RAD9B: variants seen among roughly 807,000 people sequenced by gnomAD.
RAD9B encodes RAD9 checkpoint clamp component B.
Under a neutral mutation model 48.3 loss-of-function variants are expected in RAD9B, and 41 were observed. The ratio of observed to expected loss-of-function variants is 0.85; its 90% CI spans 0.66 to 1.10. The LOEUF (loss-of-function observed/expected upper bound fraction) is 1.10. Ranked by LOEUF, RAD9B falls within the 50% of genes least tolerant of loss-of-function variation. The pLI is 0.00. For missense variants in RAD9B, 444 were observed against 485.1 expected, an observed-to-expected ratio of 0.92 and a Z score of 0.80; for synonymous variants, 160 against 157.9, an observed-to-expected ratio of 1.01 and a Z score of -0.10.
intron 9 of RAD9B, among the ~76,000 whole-genome samples, chr12:110,521,803 C>A (rs1032709789): frequency 1.3e-5 from 2 of 151,920 alleles, no homozygotes; most frequent in Admixed American, 6.6e-5. Flanking sequence ...TGATCCACCC[C>A]CCTTGACCTC....
At chr12:110,529,112 C>T (rs1454103713) in intron 10 of RAD9B, among the ~76,000 whole-genome samples, 1 of 151,768 alleles carries the variant, frequency 6.6e-6, no homozygotes, top group Non-Finnish European at 1.5e-5. Flanking sequence ...AGAGATAAAG[C>T]AGTAACTGAA....
chr12:110,518,825 G>GT (rs2063687653), intron 7 of RAD9B, 43 bp downstream of exon 7: 2 of 1,573,022 alleles, frequency 1.3e-6, no homozygotes, highest in Non-Finnish European at 8.6e-7. Context: ...AATTTTCACT[G>GT]TAAGTTTTTA....
At chr12:110,506,843 C>A in intron 4 of RAD9B, 150 bp downstream of exon 4, 2 of 374,348 alleles carry the variant, frequency 5.3e-6, no homozygotes, top group Non-Finnish European at 9.7e-6. Flanking sequence ...AAGTATTATC[C>A]TTTTTTTTTT....
At chr12:110,505,799 C>CT in intron 3 of RAD9B, 27 bp downstream of exon 3, 1 of 1,590,490 alleles carries the variant, frequency 6.3e-7, no homozygotes, top group South Asian at 1.1e-5. Flanking sequence ...CTGGTTTTCT[C>CT]TTATTCTGTA....
At position 110,532,719 on chromosome 12, in the gene RAD9B, T is replaced by C. The variant is rs925413910; in HGVS notation, c.*2066T>C. 4.6e-5 allele frequency among the ~76,000 whole-genome samples: 7 copies of C among 152,244 alleles called. No homozygotes were observed. Among genetic ancestry groups the C allele is most frequent in the African/African-American group, 1.4e-4 (6 of 41,466 alleles). ...TACCATTTTTTTGTCTTTCATACCA[T>C]AGTTTTGCTGAAACATTTCTATGTT... is the stretch of plus-strand genomic sequence containing the variant. On this transcript the variant is annotated 3_prime_UTR_variant, in exon 11 of 11. Coordinates refer to ENST00000409300, the MANE Select transcript of RAD9B (RefSeq NM_001286535.2).
At chr12:110,513,546 G>A (rs1445558255) in intron 5 of RAD9B, among the ~76,000 whole-genome samples, 1 of 151,738 alleles carries the variant, frequency 6.6e-6, no homozygotes, top group African/African-American at 2.4e-5. Flanking sequence ...TTTTCCTCTA[G>A]ATAATGAGTA....
At chr12:110,513,082 C>T (rs2063509161) in intron 5 of RAD9B, among the ~76,000 whole-genome samples, 1 of 151,994 alleles carries the variant, frequency 6.6e-6, no homozygotes, top group Non-Finnish European at 1.5e-5. Context: ...TCTCCTGCCT[C>T]AGCCTCCCGA....
intron 9 of RAD9B, among the ~76,000 whole-genome samples, chr12:110,520,170 A>G (rs984771716): frequency 6.6e-6 from 1 of 152,072 alleles, no homozygotes; most frequent in Non-Finnish European, 1.5e-5. Flanking sequence ...GTTGTTTCCC[A>G]GAACTCAATT....
At chr12:110,511,233 C>T (rs1018912504) in intron 4 of RAD9B, among the ~76,000 whole-genome samples, 5 of 151,650 alleles carry the variant, frequency 3.3e-5, no homozygotes, top group Admixed American at 6.6e-5. Flanking sequence ...ACTACTGAGT[C>T]TTTATCCAAA....
In RAD9B at chr12:110,505,621, C is replaced by T. The variant is rs775505304; in HGVS notation, c.122C>T (p.Ala41Val). The T allele has an allele frequency of 9.0e-6, 14 of 1,552,154 alleles. No individual in the cohort carries two copies. The South Asian group carries it at 1.1e-4, about 12-fold the overall frequency. ...FWLDPSKKGL[A>V]LRCVNSSRSA... Reference sequence around the variant, plus strand: ...GTTTTTATCTTATTTTTCTAGCTTGCTCTAAGATGTGTGAATTCTTCTCGG... The same window carrying T: ...GTTTTTATCTTATTTTTCTAGCTTGTTCTAAGATGTGTGAATTCTTCTCGG... The change falls in exon 3 of 11, where the codon GCT becomes GTT. Residue 41 changes from alanine to valine, a missense_variant. Coordinates refer to ENST00000409300, the MANE Select transcript of RAD9B (RefSeq NM_001286535.2).
rs753832768 is a variant in RAD9B, at chr12:110,503,847, G to A, written c.88G>A (p.Glu30Lys). 5.6e-6 allele frequency: 9 copies of A among 1,604,352 alleles called. No individual in the cohort carries two copies. Among genetic ancestry groups the A allele is most frequent in the East Asian group, 4.5e-5 (2 of 44,614 alleles). ...TCAAGCTCTATCACGAATTAGTGAC[G>A]AGTTCTGGCTAGACCCATCTAAAAA... ...AVQALSRISD[E>K]FWLDPSKKGL... The change falls in exon 2 of 11, where the codon GAG (glutamate) becomes AAG (lysine). Residue 30 changes from glutamate to lysine, a missense_variant. By Grantham distance (56) the Glu-to-Lys change is moderately conservative. Coordinates refer to ENST00000409300, the MANE Select transcript of RAD9B (RefSeq NM_001286535.2).
In RAD9B at chr12:110,530,904, C is replaced by CATT. The variant is rs1389331956; in HGVS notation, c.*253_*255dup. ...GAGTTTTCTGTGAAGGAAAAAAGCCCATTAGAGTTCTTCAATTCAATGCAC... is the reference window on the plus strand; with the variant it reads ...GAGTTTTCTGTGAAGGAAAAAAGCCCATTATTAGAGTTCTTCAATTCAATGCAC... On this transcript the variant is annotated 3_prime_UTR_variant, in exon 11 of 11. Coordinates refer to ENST00000409300, the MANE Select transcript of RAD9B (RefSeq NM_001286535.2). 2 of 1,214,550 alleles carry CATT rather than the reference C, an allele frequency of 1.6e-6. No individual in the cohort carries two copies. The highest frequency in any genetic ancestry group is 2.1e-6 in the Non-Finnish European group (2 of 970,180). The allele number at this position is 1,214,550 out of a possible 1,614,324, so 75.2% of individuals were successfully genotyped here.
rs2063340796 is a variant in RAD9B at position 110,507,715 on chromosome 12, A to G, written c.388+1022A>G. Among the ~76,000 whole-genome samples the G allele has an allele frequency of 2.7e-5, 4 of 150,538 alleles. No homozygotes were observed. The South Asian group carries it at 8.3e-4, about 31-fold the overall frequency. ...GCCCAGGCTGGAGTGCAATGGCATG[A>G]TCTTGGCTCACTGCAACCTCTACCT... On this transcript the variant is annotated intron_variant, in intron 4 of 10. Transcript: ENST00000409300.
At position 110,533,464 on chromosome 12, in the gene RAD9B, CCTG is replaced by C. The variant is rs1168035109; in HGVS notation, c.*2814_*2816del. 6.6e-6 allele frequency: 1 copy of C among 152,080 alleles called. No homozygotes were observed. Among genetic ancestry groups the C allele is most frequent in the African/African-American group, 2.4e-5 (1 of 41,400 alleles). The allele number at this position is 152,080 out of a possible 1,614,324, so 9.4% of individuals were successfully genotyped here. A position where few individuals can be genotyped will look rare whatever the true frequency, so the allele number is the denominator to read the frequency against. ...ATTTAGCCATCTTTGCCACAAACTACCTGCTAACAGTTAAAATTCTGACATGGA... is the reference window on the plus strand; with the variant it reads ...ATTTAGCCATCTTTGCCACAAACTACCTAACAGTTAAAATTCTGACATGGA... On this transcript the variant is annotated 3_prime_UTR_variant, in exon 11 of 11. Coordinates refer to ENST00000409300, the MANE Select transcript of RAD9B (RefSeq NM_001286535.2).
intron 4 of RAD9B, among the ~76,000 whole-genome samples, chr12:110,507,540 C>T (rs796738769): frequency 3.2e-5 from 1 of 31,620 alleles, no homozygotes; most frequent in African/African-American, 1.4e-4. Flanking sequence ...AAATATAATA[C>T]ATAATATATG....
At chr12:110,520,628 C>CTTTTTTTTTTTTTTTTTT (rs71083129) in intron 9 of RAD9B, among the ~76,000 whole-genome samples, 110 of 99,876 alleles carry the variant, frequency 1.1e-3, no homozygotes, top group Non-Finnish European at 1.3e-3. Flanking sequence ...TTCTTGCTTT[C>CTTTTTTTTTTTTTTTTTT]TTTTTTTTTT....
At chr12:110,511,431 C>T (rs746244809) in intron 4 of RAD9B, 10 of 437,562 alleles carry the variant, frequency 2.3e-5, no homozygotes, top group South Asian at 4.9e-5. Flanking sequence ...TTTGCAGCAA[C>T]GTGGATGGAA....
Position 110,511,819 on chromosome 12 carries a change from A to T in RAD9B, c.389-960A>T, listed in dbSNP as rs537409260. ...GATAATTACACAGTCTGTGCATGTA[A>T]CAAAATATCTGTCACATGTACCCCA... is the stretch of plus-strand genomic sequence containing the variant. On this transcript the variant is annotated intron_variant, in intron 4 of 10. Coordinates refer to ENST00000409300, the MANE Select transcript of RAD9B (RefSeq NM_001286535.2). Among the ~76,000 whole-genome samples the T allele has an allele frequency of 2.6e-5, 4 of 152,258 alleles. No homozygotes were observed. In the South Asian group the frequency reaches 8.3e-4, roughly 32 times the overall value.
At chr12:110,520,374 A>C (rs2063736568) in intron 9 of RAD9B, among the ~76,000 whole-genome samples, 1 of 151,650 alleles carries the variant, frequency 6.6e-6, no homozygotes, top group Non-Finnish European at 1.5e-5. Flanking sequence ...CACCCAGCTA[A>C]TTTTTTGTAT....
Sources: gnomAD v4.1 joint callset for allele counts (sites outside exome capture counted in the v4.1 genomes callset) on GRCh38, gnomAD v4.1.1 for gene constraint, MANE v1.5 for transcripts, NCBI Gene and HGNC (gene_info 2026-07-23, HGNC 2026-07-21) for gene names.